PSME4: variants seen among roughly 807,000 people sequenced by gnomAD.
The protein encoded by PSME4 is proteasome activator subunit 4.
A neutral mutation model predicts 253.9 loss-of-function variants in PSME4; 89 were observed. That is an observed-to-expected ratio of 0.35 (90% CI 0.30 to 0.42). PSME4 has a LOEUF of 0.42. Among genes scored for constraint, PSME4 ranks in the 10% least tolerant of loss-of-function variants. The pLI, the probability that PSME4 is intolerant of heterozygous loss-of-function variation, is 1.00. For synonymous variants in PSME4, 851 were observed against 759.2 expected (o/e 1.12, Z -1.99); for missense variants, 2,014 against 2,195.2 (o/e 0.92, Z 1.65).
rs553890095 is a variant in PSME4, at chr2:53,931,158, A to T, written c.1316+677T>A. The stretch of plus-strand genomic sequence containing the variant: ...CTGGGTGTGGTGGCGGGCGCCTGTG[A>T]TCCCACCTACTCAGGAGGCTGAGGC... On this transcript the variant is annotated intron_variant, in intron 10 of 46. Coordinates refer to ENST00000404125, the MANE Select transcript of PSME4 (RefSeq NM_014614.3). Among the ~76,000 whole-genome samples, 7 of 152,272 alleles carry T rather than the reference A, an allele frequency of 4.6e-5. No homozygotes were observed. In the East Asian group the frequency reaches 1.4e-3, roughly 29 times the overall value.
At chr2:53,915,898 C>T (rs1003959324) in intron 20 of PSME4, among the ~76,000 whole-genome samples, 1 of 152,028 alleles carries the variant, frequency 6.6e-6, no homozygotes. Flanking sequence ...TGGTGAAACC[C>T]TATCTCTACT....
rs772436206 is a variant in PSME4, at chr2:53,925,993, C to T, written c.1624G>A (p.Glu542Lys). Residue 542 changes from glutamate (E) to lysine (K), a missense_variant, in exon 13 of 47, where the codon GAA becomes AAA. Coordinates refer to ENST00000404125, the MANE Select transcript of PSME4 (RefSeq NM_014614.3). ...VERELCSATA[E>K]FEDFVLQFMD... The stretch of plus-strand genomic sequence containing the variant: ...AACTGTAAGACGAAATCCTCAAATT[C>T]AGCTGTGGCTGAACAAAGTTCTCGT... 1 of 1,613,596 alleles carries T rather than the reference C, an allele frequency of 6.2e-7. No individual in the cohort carries two copies.
chr2:53,949,835 GT>G (rs1669894126), intron 1 of PSME4, among the ~76,000 whole-genome samples: 1 of 152,156 alleles, frequency 6.6e-6, no homozygotes, highest in African/African-American at 2.4e-5. Flanking sequence ...GTATTGTACA[GT>G]TAAAAATTAA....
Position 53,970,710 on chromosome 2 carries a change from G to A in PSME4, c.75C>T (p.Gly25=), listed in dbSNP as rs766836980. 3.2e-5 allele frequency: 50 copies of A among 1,548,236 alleles called. No homozygotes were observed. In the East Asian group the frequency reaches 4.9e-4, roughly 15 times the overall value. ...AGACGATCTCCTTCTGCGGGACGAAGCCCCGCGGGCCCGGCTCGGGACGCC... is the reference window on the plus strand; with the variant it reads ...AGACGATCTCCTTCTGCGGGACGAAACCCCGCGGGCCCGGCTCGGGACGCC... ...PGGRPEPGPR[G]FVPQKEIVYN... Residue 25 remains glycine, a synonymous_variant, in exon 1 of 47, where the codon GGC becomes GGT. Coordinates refer to ENST00000404125, the MANE Select transcript of PSME4 (RefSeq NM_014614.3).
In PSME4 at chr2:53,897,919, A is replaced by G. The variant is rs772987895; in HGVS notation, c.3557T>C (p.Ile1186Thr). Residue 1186 changes from isoleucine to threonine, a missense_variant, in exon 31 of 47, where the codon ATA (isoleucine) becomes ACA (threonine). Coordinates refer to ENST00000404125, the MANE Select transcript of PSME4 (RefSeq NM_014614.3). ...RDDRVLPLRA[I>T]RFFVENLNHD... ...GTTGAGATTCTCAACAAAAAACCGT[A>G]TGGCACGAAGAGGCAACACTCGGTC... 4 of 1,613,508 alleles carry G rather than the reference A, an allele frequency of 2.5e-6. No homozygotes were observed. Among genetic ancestry groups the G allele is most frequent in the Non-Finnish European group, 3.4e-6 (4 of 1,179,508 alleles).
intron 19 of PSME4, among the ~76,000 whole-genome samples, chr2:53,919,693 T>G (rs1236682339): frequency 1.3e-5 from 2 of 152,212 alleles, no homozygotes; most frequent in Admixed American, 1.3e-4. Flanking sequence ...TTCTTAAATC[T>G]GCTTATGAAA....
chr2:53,904,091 A>G lies in PSME4; in HGVS notation c.3009T>C (p.Asp1003=). ...ALGAYNFCCR[D]IIPLVLEFLR... is the part of the protein sequence containing the mutation. ...AGAACTCCAAAACCAAGGGAATGAT[A>G]TCTCTGCAACAGAAGTTATATGCTC... The change falls in exon 27 of 47, where the codon GAT becomes GAC. Residue 1003 remains aspartate, a synonymous_variant. Transcript: ENST00000404125. The G allele has an allele frequency of 6.2e-7, 1 of 1,613,908 alleles. No homozygotes were observed. Among genetic ancestry groups the G allele is most frequent in the Non-Finnish European group, 8.5e-7 (1 of 1,179,844 alleles).
At chr2:53,962,157 G>A (rs145961089) in intron 1 of PSME4, among the ~76,000 whole-genome samples, 4 of 152,156 alleles carry the variant, frequency 2.6e-5, no homozygotes, top group Admixed American at 2.6e-4. Context: ...CTTCATTATG[G>A]CTAGCAGATA....
intron 41 of PSME4, among the ~76,000 whole-genome samples, chr2:53,876,713 A>ATTTTTTTTTTTT (rs1224675454): frequency 1.3e-5 from 1 of 77,198 alleles, no homozygotes; most frequent in Non-Finnish European, 2.6e-5. Flanking sequence ...AGCCACTGTC[A>ATTTTTTTTTTTT]TTCTTTTTTT....
chr2:53,952,487 G>C (rs988598869), intron 1 of PSME4, among the ~76,000 whole-genome samples: 2 of 152,154 alleles, frequency 1.3e-5, no homozygotes, highest in African/African-American at 4.8e-5. Flanking sequence ...GGTTGCAGCT[G>C]AGCCGAGATG....
intron 41 of PSME4, among the ~76,000 whole-genome samples, chr2:53,883,528 G>C (rs1207372226): frequency 6.6e-6 from 1 of 152,248 alleles, no homozygotes; most frequent in South Asian, 2.1e-4. Context: ...GCTGCCATTC[G>C]CTGGTCTCTC....
At chr2:53,922,707 A>C (rs1668381735) in intron 16 of PSME4, 123 bp from the exon 17 acceptor site, 5 of 1,209,934 alleles carry the variant, frequency 4.1e-6, no homozygotes, top group Non-Finnish European at 5.6e-6. Flanking sequence ...AAGACTTTTT[A>C]TTTCTTCTTC....
At chr2:53,932,961 A>G (rs1668911748) in intron 8 of PSME4, 4 of 518,254 alleles carry the variant, frequency 7.7e-6, no homozygotes, top group Admixed American at 3.2e-5. Flanking sequence ...TCTACTGCAA[A>G]TAAGGGCAGC....
intron 28 of PSME4, 53 bp from the exon 29 acceptor site, chr2:53,900,070 C>T: frequency 6.7e-7 from 1 of 1,483,338 alleles, no homozygotes. Context: ...TGCATACTAC[C>T]TGAACGAACC....
intron 14 of PSME4, among the ~76,000 whole-genome samples, chr2:53,923,902 G>A (rs1342871265): frequency 9.3e-6 from 1 of 107,278 alleles, no homozygotes; most frequent in Non-Finnish European, 1.7e-5. Flanking sequence ...CAGCCCAGGT[G>A]ACAGAGTTAA....
chr2:53,950,582 CT>C (rs1468041181), intron 1 of PSME4, among the ~76,000 whole-genome samples: 1 of 151,964 alleles, frequency 6.6e-6, no homozygotes, highest in Non-Finnish European at 1.5e-5. Context: ...TGGCTCACGC[CT>C]ATAATCCCAG....
intron 34 of PSME4, among the ~76,000 whole-genome samples, chr2:53,894,323 G>A (rs1680043892): frequency 6.6e-6 from 1 of 152,110 alleles, no homozygotes; most frequent in Non-Finnish European, 1.5e-5. Flanking sequence ...CCAGGCTGGA[G>A]TGCAGTGGTG....
chr2:53,952,573 C>G (rs1416125886), intron 1 of PSME4, among the ~76,000 whole-genome samples: 1 of 152,016 alleles, frequency 6.6e-6, no homozygotes, highest in Non-Finnish European at 1.5e-5. Flanking sequence ...TCCAGATGCC[C>G]CTGGAGTCAT....
At chr2:53,944,163 A>ATT (rs1020465320) in intron 3 of PSME4, among the ~76,000 whole-genome samples, 1 of 147,886 alleles carries the variant, frequency 6.8e-6, no homozygotes, top group Non-Finnish European at 1.5e-5. Context: ...AATCTGGTAA[A>ATT]TTTTTTTTTT....
Sources: gnomAD v4.1 joint callset for allele counts (sites outside exome capture counted in the v4.1 genomes callset) on GRCh38, gnomAD v4.1.1 for gene constraint, MANE v1.5 for transcripts, NCBI Gene and HGNC (gene_info 2026-07-23, HGNC 2026-07-21) for gene names.